RIT2: variants seen among roughly 807,000 people sequenced by gnomAD.
RIT2 encodes GTP-binding protein Rit2.
In RIT2, 24 loss-of-function variants were observed where a neutral mutation model predicts 23.7. The observed-to-expected ratio is 1.01, with a 90% CI of 0.73 to 1.43. RIT2 has a LOEUF of 1.43. RIT2 is among the 40% of genes most tolerant of loss of function. The pLI is 0.00. For synonymous variants in RIT2, 107 were observed against 91.1 expected (o/e 1.17, Z -0.99); for missense variants, 236 against 266.9 (o/e 0.88, Z 0.81).
chr18:43,074,360 A>T (rs1355182187), intron 1 of RIT2, among the ~76,000 whole-genome samples: 1 of 152,292 alleles, frequency 6.6e-6, no homozygotes, highest in South Asian at 2.1e-4. Context: ...TTTATAAGTA[A>T]ACATGAGATT....
intron 1 of RIT2, among the ~76,000 whole-genome samples, chr18:43,079,660 GA>G (rs990226005): frequency 1.4e-4 from 21 of 152,132 alleles, no homozygotes. Flanking sequence ...TCCCATAATT[GA>G]AGTCAGTGTC....
At chr18:43,061,559 G>C (rs1221663947) in intron 1 of RIT2, among the ~76,000 whole-genome samples, 1 of 152,102 alleles carries the variant, frequency 6.6e-6, no homozygotes, top group Non-Finnish European at 1.5e-5. Context: ...GTTCTGGATA[G>C]AGTCCATGAC....
chr18:42,781,303 T>C (rs1913806356), intron 4 of RIT2, among the ~76,000 whole-genome samples: 1 of 152,210 alleles, frequency 6.6e-6, no homozygotes, highest in South Asian at 2.1e-4. Context: ...TCATACTTAT[T>C]TGAAAATTCT....
chr18:42,807,170 G>T (rs1905707397), intron 4 of RIT2, among the ~76,000 whole-genome samples: 1 of 152,038 alleles, frequency 6.6e-6, no homozygotes, highest in African/African-American at 2.4e-5. Context: ...AAAAAAGAAA[G>T]CCATTTTAAT....
intron 4 of RIT2, among the ~76,000 whole-genome samples, chr18:42,792,749 T>G (rs1301694542): frequency 6.6e-6 from 1 of 152,198 alleles, no homozygotes; most frequent in African/African-American, 2.4e-5. Flanking sequence ...ACTGTCCTAT[T>G]CCACAGGTTG....
chr18:43,084,353 A>G (rs1913230560), intron 1 of RIT2, among the ~76,000 whole-genome samples: 1 of 152,142 alleles, frequency 6.6e-6, no homozygotes, highest in African/African-American at 2.4e-5. Flanking sequence ...TGGAACCAGA[A>G]ATACCATTTG....
chr18:42,751,980 AC>A (rs1247404887), intron 4 of RIT2, among the ~76,000 whole-genome samples: 1 of 152,100 alleles, frequency 6.6e-6, no homozygotes, highest in Non-Finnish European at 1.5e-5. Flanking sequence ...ACGAATATTG[AC>A]AAACCATACA....
At chr18:43,034,386 T>G (rs2144285118) in intron 1 of RIT2, among the ~76,000 whole-genome samples, 1 of 152,328 alleles carries the variant, frequency 6.6e-6, no homozygotes, top group South Asian at 2.1e-4. Flanking sequence ...TTATTTTGCC[T>G]AATTTATGTT....
intron 1 of RIT2, among the ~76,000 whole-genome samples, chr18:43,038,218 A>AAAG (rs59629398): frequency 6.7e-6 from 1 of 149,024 alleles, no homozygotes; most frequent in East Asian, 2.0e-4. Context: ...AAAAAAAAAA[A>AAAG]GCAGTTTCAG....
intron 4 of RIT2, among the ~76,000 whole-genome samples, chr18:42,876,891 G>A (rs753581975): frequency 1.7e-4 from 26 of 151,766 alleles, no homozygotes; most frequent in Non-Finnish European, 1.9e-4. Context: ...GAAATTCAGA[G>A]ATTTCGATTT....
At chr18:43,017,006 C>G (rs1568056872) in intron 2 of RIT2, among the ~76,000 whole-genome samples, 1 of 151,980 alleles carries the variant, frequency 6.6e-6, no homozygotes, top group African/African-American at 2.4e-5. Context: ...GTAAACAGCT[C>G]TGACACTGGG....
chr18:43,044,315 C>A (rs1222493827), intron 1 of RIT2, among the ~76,000 whole-genome samples: 2 of 152,098 alleles, frequency 1.3e-5, no homozygotes, highest in African/African-American at 4.8e-5. Context: ...TGCATTTCTA[C>A]AATGAAAGAA....
chr18:43,092,988 A>C (rs962107527), intron 1 of RIT2, among the ~76,000 whole-genome samples: 1 of 152,050 alleles, frequency 6.6e-6, no homozygotes, highest in Admixed American at 6.6e-5. Flanking sequence ...GTATATTCTT[A>C]TATGTAAGCA....
chr18:43,094,204 G>A (rs1168457811), intron 1 of RIT2, among the ~76,000 whole-genome samples: 1 of 150,148 alleles, frequency 6.7e-6, no homozygotes, highest in Non-Finnish European at 1.5e-5. Flanking sequence ...AAGATCAAGG[G>A]AAACCAAAGA....
chr18:42,858,742 G>A (rs192661605), intron 4 of RIT2, among the ~76,000 whole-genome samples: 260 of 152,220 alleles, frequency 1.7e-3, no homozygotes, highest in African/African-American at 5.7e-3. Flanking sequence ...TGGCAACCAC[G>A]AATCTACTTT....
At chr18:42,868,584 CT>C (rs1342211058) in intron 4 of RIT2, among the ~76,000 whole-genome samples, 1 of 152,058 alleles carries the variant, frequency 6.6e-6, no homozygotes, top group Non-Finnish European at 1.5e-5. Context: ...AGTGTAGACA[CT>C]GTGGATGCTC....
chr18:42,988,188 GA>G (rs1568048001), intron 2 of RIT2, among the ~76,000 whole-genome samples: 1 of 151,900 alleles, frequency 6.6e-6, no homozygotes, highest in Non-Finnish European at 1.5e-5. Flanking sequence ...TTGAGTGAGA[GA>G]ATCGAGACAG....
At chr18:42,908,258 A>G (rs772663717) in intron 4 of RIT2, among the ~76,000 whole-genome samples, 2 of 151,998 alleles carry the variant, frequency 1.3e-5, no homozygotes, top group Non-Finnish European at 2.9e-5. Context: ...ACAAAGAGAA[A>G]ATAGACTAAA....
chr18:42,968,144 G>A (rs548220076), intron 3 of RIT2, among the ~76,000 whole-genome samples: 4 of 152,098 alleles, frequency 2.6e-5, no homozygotes, highest in Non-Finnish European at 2.9e-5. Context: ...CTATTTTCTC[G>A]TCTTGTTCAG....
Sources: gnomAD v4.1 joint callset for allele counts (sites outside exome capture counted in the v4.1 genomes callset) on GRCh38, gnomAD v4.1.1 for gene constraint, MANE v1.5 for transcripts, NCBI Gene and HGNC (gene_info 2026-07-23, HGNC 2026-07-21) for gene names.